The following MECOM variants were observed in gnomAD, a reference collection of about 807,000 sequenced individuals.
MECOM encodes the protein MDS1 and EVI1 complex locus, also known as histone-lysine N-methyltransferase MECOM.
A neutral mutation model predicts 116.3 loss-of-function variants in MECOM; 13 were observed. The ratio of observed to expected loss-of-function variants is 0.11; its 90% CI spans 0.07 to 0.18. The LOEUF (loss-of-function observed/expected upper bound fraction) is 0.18. Ranked by LOEUF, MECOM falls within the 10% of genes least tolerant of loss-of-function variation. The pLI is 1.00. For missense variants in MECOM, 1,299 were observed against 1,509.0 expected, an observed-to-expected ratio of 0.86 and a Z score of 2.31; for synonymous variants, 528 against 535.2, an observed-to-expected ratio of 0.99 and a Z score of 0.19.
intron 1 of MECOM, among the ~76,000 whole-genome samples, chr3:169,532,403 A>G (rs1758759583): frequency 6.6e-6 from 1 of 152,218 alleles, no homozygotes; most frequent in Non-Finnish European, 1.5e-5. Flanking sequence ...ATGCTAAGCT[A>G]CTGGGTGTCA....
chr3:169,559,743 A>G (rs1243600001), intron 1 of MECOM, among the ~76,000 whole-genome samples: 1 of 152,196 alleles, frequency 6.6e-6, no homozygotes, highest in Non-Finnish European at 1.5e-5. Flanking sequence ...GACTGTGGCT[A>G]AACTAGATTT....
At chr3:169,587,426 AACACACACACACACAC>A (rs3980637) in intron 1 of MECOM, among the ~76,000 whole-genome samples, 218 of 141,086 alleles carry the variant, frequency 1.5e-3, no homozygotes, top group African/African-American at 5.1e-3. Flanking sequence ...CCCACACGCC[AACACACACACACACAC>A]ACACACACAC....
At chr3:169,283,698 C>T (rs1445558150) in intron 2 of MECOM, among the ~76,000 whole-genome samples, 2 of 152,110 alleles carry the variant, frequency 1.3e-5, no homozygotes, top group African/African-American at 4.8e-5. Context: ...AATGCATTTA[C>T]ATGTAGGTTC....
At chr3:169,300,075 G>C (rs1195303624) in intron 2 of MECOM, among the ~76,000 whole-genome samples, 1 of 152,122 alleles carries the variant, frequency 6.6e-6, no homozygotes, top group Non-Finnish European at 1.5e-5. Context: ...GAGCCTAACT[G>C]AGTGCACTCT....
chr3:169,609,625 A>G (rs1322925741), intron 1 of MECOM, among the ~76,000 whole-genome samples: 1 of 152,172 alleles, frequency 6.6e-6, no homozygotes, highest in East Asian at 1.9e-4. Context: ...ATATGTTGGT[A>G]GGAAGGTGAC....
chr3:169,270,284 T>G (rs933236647), intron 2 of MECOM, among the ~76,000 whole-genome samples: 2 of 152,110 alleles, frequency 1.3e-5, no homozygotes, highest in Non-Finnish European at 2.9e-5. Context: ...GAATGCACAT[T>G]CAAATAAGTG....
At chr3:169,137,980 G>C (rs751557824) in intron 3 of MECOM, among the ~76,000 whole-genome samples, 1 of 152,048 alleles carries the variant, frequency 6.6e-6, no homozygotes, top group Non-Finnish European at 1.5e-5. Flanking sequence ...TCATCTGACT[G>C]TATAAAAACT....
At chr3:169,203,400 A>T (rs1749466419) in intron 2 of MECOM, among the ~76,000 whole-genome samples, 1 of 152,174 alleles carries the variant, frequency 6.6e-6, no homozygotes, top group Admixed American at 6.6e-5. Flanking sequence ...GTAAACATGG[A>T]CATATCACTT....
intron 12 of MECOM, among the ~76,000 whole-genome samples, chr3:169,097,991 G>A (rs1241639499): frequency 6.6e-6 from 1 of 152,024 alleles, no homozygotes; most frequent in Non-Finnish European, 1.5e-5. Flanking sequence ...GCCACAGGAA[G>A]CAGACAATTC....
intron 2 of MECOM, among the ~76,000 whole-genome samples, chr3:169,323,151 G>A (rs930639500): frequency 1.3e-5 from 2 of 151,994 alleles, no homozygotes; most frequent in Admixed American, 6.6e-5. Flanking sequence ...GTCATCATAT[G>A]CACTCACACA....
rs150840481 is a variant in MECOM, at chr3:169,572,631, C to T, written c.37+90705G>A. On this transcript the variant is annotated intron_variant, in intron 1 of 16. Transcript: ENST00000651503. Reference sequence around the variant, plus strand: ...GATAGACTGGTTAAAGAAAATGTGGCACATGTACACCAGGGAATACTATGC... The same window carrying T: ...GATAGACTGGTTAAAGAAAATGTGGTACATGTACACCAGGGAATACTATGC... Among the ~76,000 whole-genome samples, 611 of 152,224 alleles carry T rather than the reference C, an allele frequency of 4.0e-3. 3 individuals are homozygous for T. Among genetic ancestry groups the T allele is most frequent in the African/African-American group, 0.014 (591 of 41,528 alleles).
At chr3:169,284,470 T>C (rs1341853480) in intron 2 of MECOM, among the ~76,000 whole-genome samples, 4 of 152,022 alleles carry the variant, frequency 2.6e-5, no homozygotes, top group Non-Finnish European at 4.4e-5. Context: ...AGGAACATTC[T>C]CCCCTTTAAC....
chr3:169,465,794 TC>T (rs1175435975), intron 1 of MECOM, among the ~76,000 whole-genome samples: 2 of 152,188 alleles, frequency 1.3e-5, no homozygotes, highest in African/African-American at 4.8e-5. Context: ...TCTAAGAATA[TC>T]CATAAAAATT....
intron 1 of MECOM, among the ~76,000 whole-genome samples, chr3:169,426,485 A>G (rs1420178064): frequency 1.3e-5 from 2 of 152,222 alleles, no homozygotes; most frequent in Non-Finnish European, 2.9e-5. Context: ...CGCTGTGCTC[A>G]TAGGAGACAC....
At chr3:169,121,788 AT>A (rs1299217646) in intron 6 of MECOM, among the ~76,000 whole-genome samples, 2 of 152,170 alleles carry the variant, frequency 1.3e-5, no homozygotes, top group Non-Finnish European at 2.9e-5. Flanking sequence ...GTATTTTTTA[AT>A]TTTTATGAGA....
chr3:169,144,971 A>T, intron 2 of MECOM: 1 of 1,553,008 alleles, frequency 6.4e-7, no homozygotes, highest in Non-Finnish European at 8.8e-7. Flanking sequence ...CAATCACCCA[A>T]TTGCAGATTC....
intron 1 of MECOM, among the ~76,000 whole-genome samples, chr3:169,551,048 C>T (rs1263786770): frequency 2.1e-5 from 2 of 94,928 alleles, no homozygotes; most frequent in African/African-American, 3.2e-5. Context: ...TGGTCTCGAT[C>T]TCCTGACCTC....
At chr3:169,520,650 CA>C (rs1757228423) in intron 1 of MECOM, among the ~76,000 whole-genome samples, 1 of 152,164 alleles carries the variant, frequency 6.6e-6, no homozygotes. Context: ...TGGATTATCT[CA>C]TTTCTCATTT....
At chr3:169,144,410 A>G (rs1395233007) in intron 2 of MECOM, among the ~76,000 whole-genome samples, 3 of 152,210 alleles carry the variant, frequency 2.0e-5, no homozygotes, top group African/African-American at 4.8e-5. Flanking sequence ...ACACTCATGC[A>G]AAGTATGGCA....
Sources: allele counts gnomAD v4.1 joint callset (sites outside exome capture counted in the v4.1 genomes callset), GRCh38; gene constraint gnomAD v4.1.1; transcripts MANE v1.5; gene names NCBI Gene and HGNC (gene_info 2026-07-23, HGNC 2026-07-21).